Variants in SLC35E3 observed in about 807,000 individuals in gnomAD.
SLC35E3 encodes the protein bladder cancer-overexpressed gene 1 protein.
A neutral mutation model predicts 30.8 loss-of-function variants in SLC35E3; 28 were observed. The observed-to-expected ratio is 0.91, with a 90% CI of 0.67 to 1.25. The LOEUF (loss-of-function observed/expected upper bound fraction) is 1.25. Ranked by LOEUF, SLC35E3 falls within the 50% of genes most tolerant of loss-of-function variation. SLC35E3 has a pLI of 0.00. For missense variants in SLC35E3, 365 were observed against 375.4 expected, an observed-to-expected ratio of 0.97 and a Z score of 0.23; for synonymous variants, 146 against 149.2, an observed-to-expected ratio of 0.98 and a Z score of 0.16.
In SLC35E3 at chr12:68,779,323, G is replaced by A. The variant is rs1222572759; in HGVS notation, c.*14433G>A. On this transcript the variant is annotated 3_prime_UTR_variant, in exon 5 of 5. Transcript: ENST00000398004. ...TTAAATGAAAAGATTTTTGTTTTCT[G>A]TACATTTATTTAAATTTAAAAAGTA... is the stretch of plus-strand genomic sequence containing the variant. 1 of 152,098 alleles carries A rather than the reference G, an allele frequency of 6.6e-6. No individual in the cohort carries two copies. Among genetic ancestry groups the A allele is most frequent in the African/African-American group, 2.4e-5 (1 of 41,422 alleles). 9.4% of individuals were successfully genotyped at this position (152,098 alleles called of 1,614,324 possible). A position where few individuals can be genotyped will look rare whatever the true frequency, so the allele number is the denominator to read the frequency against.
intron 4 of SLC35E3, among the ~76,000 whole-genome samples, chr12:68,760,360 AAAC>A (rs1272433983): frequency 6.6e-6 from 1 of 152,236 alleles, no homozygotes; most frequent in Non-Finnish European, 1.5e-5. Context: ...TATCAATAAA[AAAC>A]AACAACGATA....
chr12:68,756,784 G>C (rs1002907085), intron 3 of SLC35E3, among the ~76,000 whole-genome samples: 5 of 152,282 alleles, frequency 3.3e-5, no homozygotes, highest in Admixed American at 2.0e-4. Flanking sequence ...GGCGGATCAC[G>C]AAGTCAGGAG....
chr12:68,747,362 C>T (rs949158403), intron 1 of SLC35E3, among the ~76,000 whole-genome samples: 1 of 151,964 alleles, frequency 6.6e-6, no homozygotes, highest in Admixed American at 6.6e-5. Flanking sequence ...CTCCGCCTCC[C>T]GGGTTTAAGC....
In SLC35E3 at chr12:68,746,273, C is replaced by A. The variant is rs115175079; in HGVS notation, c.-105C>A. ...CTGTGCATGCCACTCCTGGGTCAGACGGTGAGGTCGGCGTCTGCGAGGACG... is the reference window on the plus strand; with the variant it reads ...CTGTGCATGCCACTCCTGGGTCAGAAGGTGAGGTCGGCGTCTGCGAGGACG... On this transcript the variant is annotated 5_prime_UTR_variant, in exon 1 of 5. Transcript: ENST00000398004. 280 of 1,122,958 alleles carry A rather than the reference C, an allele frequency of 2.5e-4. 2 individuals carry two copies. In the African/African-American group the frequency reaches 4.1e-3, roughly 16 times the overall value. 69.6% of individuals were successfully genotyped at this position (1,122,958 alleles called of 1,614,324 possible).
Position 68,775,814 on chromosome 12 carries a change from G to C in SLC35E3, c.*10924G>C, listed in dbSNP as rs1018126247. On this transcript the variant is annotated 3_prime_UTR_variant, in exon 5 of 5. Coordinates refer to ENST00000398004, the MANE Select transcript of SLC35E3 (RefSeq NM_018656.5). The stretch of plus-strand genomic sequence containing the variant: ...AATATAAAAATTAGCCAGGCATGCT[G>C]GCGTGTGCCTGTAATCCCAGCTGCT... 6.6e-5 allele frequency: 10 copies of C among 151,168 alleles called. No individual in the cohort carries two copies. In the East Asian group the frequency reaches 7.8e-4, roughly 12 times the overall value. 9.4% of individuals were successfully genotyped at this position (151,168 alleles called of 1,614,324 possible).
chr12:68,746,179 C>T lies in SLC35E3; in HGVS notation c.-199C>T, dbSNP rs1451098182. The T allele has an allele frequency of 4.1e-6, 2 of 487,652 alleles. No homozygotes were observed. Among genetic ancestry groups the T allele is most frequent in the Non-Finnish European group, 7.2e-6 (2 of 278,406 alleles). The allele number at this position is 487,652 out of a possible 1,614,324, so 30.2% of individuals were successfully genotyped here. On this transcript the variant is annotated 5_prime_UTR_variant, in exon 1 of 5. Transcript: ENST00000398004. ...GGGGCGTGGGACGTGCTGCGGCGTC[C>T]TAGCTGGCTTACAGGGCGGCGGCGG...
At chr12:68,756,301 TAAAAAAA>T (rs34141831) in intron 3 of SLC35E3, among the ~76,000 whole-genome samples, 5 of 117,162 alleles carry the variant, frequency 4.3e-5, no homozygotes, top group African/African-American at 1.7e-4. Flanking sequence ...GAAAAGCCAT[TAAAAAAA>T]AAAAAAAAAA....
At chr12:68,759,893 C>T (rs966632076) in intron 4 of SLC35E3, 39 of 152,094 alleles carry the variant, frequency 2.6e-4, no homozygotes, top group African/African-American at 9.4e-4. Context: ...GATTTTCAAA[C>T]AATTTTCAGG....
chr12:68,751,950 C>A, intron 2 of SLC35E3, 82 bp from the exon 3 acceptor site: 1 of 1,352,094 alleles, frequency 7.4e-7, no homozygotes, highest in Non-Finnish European at 1.0e-6. Flanking sequence ...ACATTCCCAT[C>A]TTTGTGACTC....
rs1197895261 is a variant in SLC35E3 at position 68,772,600 on chromosome 12, ATCAC to A, written c.*7714_*7717del. 1 of 152,218 alleles carries A rather than the reference ATCAC, an allele frequency of 6.6e-6. No homozygotes were observed. Among genetic ancestry groups the A allele is most frequent in the Non-Finnish European group, 1.5e-5 (1 of 68,040 alleles). The allele number at this position is 152,218 out of a possible 1,614,324, so 9.4% of individuals were successfully genotyped here. ...CTGCTTTTAATTTGGAAAGCAGCAT[ATCAC>A]TCAAACTATAGTAATTCACATTTTT... On this transcript the variant is annotated 3_prime_UTR_variant, in exon 5 of 5. Transcript: ENST00000398004.
intron 3 of SLC35E3, among the ~76,000 whole-genome samples, chr12:68,755,107 A>T (rs369847587): frequency 1.3e-5 from 2 of 152,204 alleles, no homozygotes; most frequent in East Asian, 3.8e-4. Context: ...GACAACAAGG[A>T]AGAGGAGAAG....
At position 68,769,087 on chromosome 12, in the gene SLC35E3, C is replaced by G. The variant is rs529976089; in HGVS notation, c.*4197C>G. On this transcript the variant is annotated 3_prime_UTR_variant, in exon 5 of 5. Coordinates refer to ENST00000398004, the MANE Select transcript of SLC35E3 (RefSeq NM_018656.5). ...TGAAACCTTGTCTCTACTAAAAATACAAAAATTAGCCAGGTGTGGTGTTGC... is the reference window on the plus strand; with the variant it reads ...TGAAACCTTGTCTCTACTAAAAATAGAAAAATTAGCCAGGTGTGGTGTTGC... The G allele has an allele frequency of 6.6e-6, 1 of 151,412 alleles. No individual in the cohort carries two copies. The highest frequency in any genetic ancestry group is 2.0e-4 in the East Asian group (1 of 5,104). 9.4% of individuals were successfully genotyped at this position (151,412 alleles called of 1,614,324 possible). A position where few individuals can be genotyped will look rare whatever the true frequency, so the allele number is the denominator to read the frequency against.
chr12:68,756,871 T>C (rs576347497), intron 3 of SLC35E3, among the ~76,000 whole-genome samples: 36 of 152,144 alleles, frequency 2.4e-4, no homozygotes, highest in South Asian at 6.2e-4. Context: ...CAAAATTAGC[T>C]GGGCGTGGTG....
chr12:68,749,126 C>G (rs1029129019), intron 2 of SLC35E3, among the ~76,000 whole-genome samples: 1 of 152,164 alleles, frequency 6.6e-6, no homozygotes, highest in Non-Finnish European at 1.5e-5. Context: ...ATTCAGAGTA[C>G]TCACCATCTC....
intron 2 of SLC35E3, among the ~76,000 whole-genome samples, chr12:68,750,819 G>T (rs1227238475): frequency 1.3e-5 from 2 of 152,116 alleles, no homozygotes; most frequent in African/African-American, 4.8e-5. Flanking sequence ...CAGGAGTATG[G>T]TTCAAATTCC....
intron 4 of SLC35E3, 131 bp downstream of exon 4, chr12:68,759,370 C>T: frequency 1.5e-6 from 1 of 681,300 alleles, no homozygotes; most frequent in South Asian, 1.8e-5. Context: ...TATTTTTAGC[C>T]TTTTACTGTA....
intron 3 of SLC35E3, among the ~76,000 whole-genome samples, chr12:68,757,053 T>G (rs897236796): frequency 6.6e-6 from 1 of 152,190 alleles, no homozygotes; most frequent in Non-Finnish European, 1.5e-5. Flanking sequence ...TCTCAATAGA[T>G]GCAGAAAGAG....
Position 68,774,867 on chromosome 12 carries a change from G to C in SLC35E3, c.*9977G>C, listed in dbSNP as rs910806581. On this transcript the variant is annotated 3_prime_UTR_variant, in exon 5 of 5. Coordinates refer to ENST00000398004, the MANE Select transcript of SLC35E3 (RefSeq NM_018656.5). ...AAAATAAAAGAAATTGGGTCTTGTGGCCAGGTGCGGTGGCTCACGCATAAT... is the reference window on the plus strand; with the variant it reads ...AAAATAAAAGAAATTGGGTCTTGTGCCCAGGTGCGGTGGCTCACGCATAAT... 2.7e-5 allele frequency: 4 copies of C among 150,832 alleles called. No homozygotes were observed. The highest frequency in any genetic ancestry group is 4.4e-5 in the Non-Finnish European group (3 of 67,722). 9.3% of individuals were successfully genotyped at this position (150,832 alleles called of 1,614,324 possible). A position where few individuals can be genotyped will look rare whatever the true frequency, so the allele number is the denominator to read the frequency against.
At position 68,775,321 on chromosome 12, in the gene SLC35E3, G is replaced by C. The variant is rs1158341768; in HGVS notation, c.*10431G>C. On this transcript the variant is annotated 3_prime_UTR_variant, in exon 5 of 5. Coordinates refer to ENST00000398004, the MANE Select transcript of SLC35E3 (RefSeq NM_018656.5). ...TTGTGTTGCATAGAACAGAATACCT[G>C]AAACTGGGTCATTTATAAAGAAAAG... is the stretch of plus-strand genomic sequence containing the variant. 6.6e-6 allele frequency: 1 copy of C among 152,188 alleles called. No individual in the cohort carries two copies. Among genetic ancestry groups the C allele is most frequent in the Non-Finnish European group, 1.5e-5 (1 of 68,050 alleles). 9.4% of individuals were successfully genotyped at this position (152,188 alleles called of 1,614,324 possible).
Sources: gnomAD v4.1 joint callset for allele counts (sites outside exome capture counted in the v4.1 genomes callset) on GRCh38, gnomAD v4.1.1 for gene constraint, MANE v1.5 for transcripts, NCBI Gene and HGNC (gene_info 2026-07-23, HGNC 2026-07-21) for gene names.